MTBP: variants seen among roughly 807,000 people sequenced by gnomAD.
MTBP encodes MDM2 binding protein.
MTBP carries 101 observed loss-of-function variants against 117.0 expected under a neutral mutation model. That is an observed-to-expected ratio of 0.86 (90% CI 0.73 to 1.02). The LOEUF is 1.02. MTBP is among the 50% of genes least tolerant of loss of function. The pLI, the probability that MTBP is intolerant of heterozygous loss-of-function variation, is 0.00. For missense variants in MTBP, 970 were observed against 1,030.9 expected (o/e 0.94, Z 0.81); for synonymous variants, 350 against 351.5 (o/e 1.00, Z 0.05).
chr8:120,461,018 A>C, intron 8 of MTBP, 143 bp from the exon 9 acceptor site: 1 of 591,166 alleles, frequency 1.7e-6, no homozygotes, highest in Non-Finnish European at 3.0e-6. Flanking sequence ...CTGGTCTGCT[A>C]TAGAGGATTA....
At chr8:120,504,233 T>A (rs555879259) in intron 15 of MTBP, among the ~76,000 whole-genome samples, 1 of 152,302 alleles carries the variant, frequency 6.6e-6, no homozygotes, top group Admixed American at 6.5e-5. Flanking sequence ...AGGTTCCCCA[T>A]GAGAGAACCT....
intron 16 of MTBP, 64 bp downstream of exon 16, chr8:120,506,925 C>A: frequency 1.4e-6 from 2 of 1,387,252 alleles, no homozygotes; most frequent in Non-Finnish European, 1.9e-6. Flanking sequence ...AAAATTGTGT[C>A]TCATTTCCTT....
At chr8:120,469,553 A>G (rs1458857806) in intron 10 of MTBP, among the ~76,000 whole-genome samples, 1 of 152,136 alleles carries the variant, frequency 6.6e-6, no homozygotes, top group Non-Finnish European at 1.5e-5. Flanking sequence ...CCACCATTGC[A>G]CTGCATGTTC....
chr8:120,468,580 A>T (rs1813748307), intron 10 of MTBP, among the ~76,000 whole-genome samples: 1 of 152,198 alleles, frequency 6.6e-6, no homozygotes, highest in Non-Finnish European at 1.5e-5. Flanking sequence ...ATGATGGATG[A>T]GGCAAAACTT....
At position 120,509,922 on chromosome 8, in the gene MTBP, T is replaced by G. The variant is rs1814765655; in HGVS notation, c.1884-12T>G. 6.3e-7 allele frequency: 1 copy of G among 1,591,334 alleles called. No individual in the cohort carries two copies. The highest frequency in any genetic ancestry group is 8.6e-7 in the Non-Finnish European group (1 of 1,167,608). On this transcript the variant is annotated splice_polypyrimidine_tract_variant and intron_variant, in intron 16 of 21. Coordinates refer to ENST00000305949, the MANE Select transcript of MTBP (RefSeq NM_022045.5). ...TAAACTTTGAATACAAATGAAAAAT[T>G]TTTTGTTTCAGGGAAAAGACTTTTG...
rs1343576938 is a variant in MTBP, at chr8:120,510,043, T to A, written c.1979+14T>A. On this transcript the variant is annotated intron_variant, in intron 17 of 21. Coordinates refer to ENST00000305949, the MANE Select transcript of MTBP (RefSeq NM_022045.5). Reference sequence around the variant, plus strand: ...TCATGGAATTGAGTAAGTTTTTATTTGTACTTTACTCTTCTGTATGTTGTT... The same window carrying A: ...TCATGGAATTGAGTAAGTTTTTATTAGTACTTTACTCTTCTGTATGTTGTT... The A allele has an allele frequency of 5.8e-6, 9 of 1,540,516 alleles. No homozygotes were observed. The South Asian group carries it at 1.0e-4, about 18-fold the overall frequency.
intron 20 of MTBP, among the ~76,000 whole-genome samples, chr8:120,520,771 G>A (rs968223882): frequency 6.8e-6 from 1 of 147,152 alleles, no homozygotes; most frequent in African/African-American, 2.4e-5. Context: ...TCTGAGGGAT[G>A]TGCATTTCTA....
intron 10 of MTBP, among the ~76,000 whole-genome samples, chr8:120,466,388 G>T (rs1235233644): frequency 1.3e-5 from 2 of 150,360 alleles, no homozygotes; most frequent in East Asian, 2.0e-4. Flanking sequence ...ATTTTTTTTT[G>T]TATATTTAGT....
At position 120,502,625 on chromosome 8, in the gene MTBP, G is replaced by A. The variant is rs746876444; in HGVS notation, c.1727+16G>A. 1 of 1,467,194 alleles carries A rather than the reference G, an allele frequency of 6.8e-7. No homozygotes were observed. The highest frequency in any genetic ancestry group is 1.8e-4 in the Middle Eastern group (1 of 5,628). The allele number at this position is 1,467,194 out of a possible 1,614,324, so 90.9% of individuals were successfully genotyped here. ...AAAAAATGAGGTAATATTTGAATCT[G>A]TAGTAAAGCATGTGATAGCTCAGTA... is the stretch of plus-strand genomic sequence containing the variant. On this transcript the variant is annotated intron_variant, in intron 15 of 21. Coordinates refer to ENST00000305949, the MANE Select transcript of MTBP (RefSeq NM_022045.5).
At chr8:120,502,643 G>C (rs1484253549) in intron 15 of MTBP, 34 bp downstream of exon 15, 1 of 1,257,484 alleles carries the variant, frequency 8.0e-7, no homozygotes, top group Admixed American at 2.1e-5. Flanking sequence ...GCATGTGATA[G>C]CTCAGTAATT....
intron 11 of MTBP, among the ~76,000 whole-genome samples, chr8:120,481,424 T>C (rs1489569058): frequency 1.4e-5 from 2 of 146,848 alleles, no homozygotes; most frequent in Admixed American, 1.4e-4. Flanking sequence ...ACTATGCAAA[T>C]ATTTATCATC....
chr8:120,512,482 T>C (rs1204813517), intron 17 of MTBP, among the ~76,000 whole-genome samples: 3 of 152,122 alleles, frequency 2.0e-5, no homozygotes, highest in African/African-American at 7.2e-5. Context: ...GAAATCTTGA[T>C]ATATACAAAT....
chr8:120,453,054 A>C (rs1218507356), intron 4 of MTBP, among the ~76,000 whole-genome samples: 1 of 152,156 alleles, frequency 6.6e-6, no homozygotes, highest in South Asian at 2.1e-4. Context: ...GTTTTGAAGA[A>C]TCTGAAGAGG....
intron 13 of MTBP, among the ~76,000 whole-genome samples, chr8:120,495,887 T>C (rs1482515328): frequency 6.6e-6 from 1 of 152,180 alleles, no homozygotes; most frequent in Non-Finnish European, 1.5e-5. Context: ...TGGACTCCCT[T>C]TTTTCTGTTT....
At chr8:120,491,089 C>T (rs1280312519) in intron 13 of MTBP, among the ~76,000 whole-genome samples, 2 of 152,012 alleles carry the variant, frequency 1.3e-5, no homozygotes, top group Non-Finnish European at 2.9e-5. Context: ...CATAATTTCA[C>T]ATTTTTTCTC....
chr8:120,454,234 CCTATAAACAGCT>C (rs1226838247), intron 5 of MTBP, among the ~76,000 whole-genome samples: 84 of 152,014 alleles, frequency 5.5e-4, no homozygotes, highest in Non-Finnish European at 5.9e-5. Context: ...GAAGACTAAT[CCTATAAACAGCT>C]CTTTAAAAAG....
At position 120,488,191 on chromosome 8, in the gene MTBP, A is replaced by G. The variant is rs1814258579; in HGVS notation, c.1198A>G (p.Ser400Gly). 6.3e-7 allele frequency: 1 copy of G among 1,589,240 alleles called. No individual in the cohort carries two copies. Residue 400 changes from serine (S) to glycine (G), a missense_variant, in exon 12 of 22, where the codon AGC becomes GGC. Transcript: ENST00000305949. ...TGTTGAAGTGAAAGGAGAGTGTTCT[A>G]GCTATTATCTCTTGTTACAAGGTAA... ...PDVEVKGECS[S>G]YYLLLQGNGN...
At chr8:120,451,517 T>C (rs1390769425) in intron 4 of MTBP, 195 bp downstream of exon 4, 3 of 496,018 alleles carry the variant, frequency 6.0e-6, no homozygotes, top group East Asian at 6.6e-5. Context: ...GCTTACATAA[T>C]GTCAAGAATC....
At chr8:120,469,461 A>G (rs1012805270) in intron 10 of MTBP, among the ~76,000 whole-genome samples, 6 of 152,138 alleles carry the variant, frequency 3.9e-5, no homozygotes, top group African/African-American at 1.4e-4. Flanking sequence ...ATTGCTCTCA[A>G]TTGGTTTTTG....
Sources: allele counts gnomAD v4.1 joint callset (sites outside exome capture counted in the v4.1 genomes callset), GRCh38; gene constraint gnomAD v4.1.1; transcripts MANE v1.5; gene names NCBI Gene and HGNC (gene_info 2026-07-23, HGNC 2026-07-21).